Variants in NRG3 observed in about 807,000 individuals in gnomAD.
The protein encoded by NRG3 is neuregulin 3, also known as pro-neuregulin-3, membrane-bound isoform.
A neutral mutation model predicts 66.9 loss-of-function variants in NRG3; 31 were observed. That is an observed-to-expected ratio of 0.46 (90% CI 0.35 to 0.63). The LOEUF (loss-of-function observed/expected upper bound fraction) is 0.63. Among genes scored for constraint, NRG3 ranks in the 20% least tolerant of loss-of-function variants. The pLI is 0.00. For missense variants in NRG3, 910 were observed against 878.9 expected, an observed-to-expected ratio of 1.04 and a Z score of -0.45; for synonymous variants, 393 against 359.4, an observed-to-expected ratio of 1.09 and a Z score of -1.06.
At chr10:82,642,234 C>T (rs551141004) in intron 2 of NRG3, among the ~76,000 whole-genome samples, 1 of 151,232 alleles carries the variant, frequency 6.6e-6, no homozygotes, top group South Asian at 2.1e-4. Context: ...CATTTTATCT[C>T]CTCTATCAAC....
At chr10:82,609,863 T>C (rs1313045881) in intron 2 of NRG3, among the ~76,000 whole-genome samples, 2 of 152,200 alleles carry the variant, frequency 1.3e-5, no homozygotes, top group Admixed American at 1.3e-4. Context: ...CACAACAAAT[T>C]ACCACAAATT....
At chr10:82,809,177 A>G (rs1340261607) in intron 3 of NRG3, among the ~76,000 whole-genome samples, 1 of 152,120 alleles carries the variant, frequency 6.6e-6, no homozygotes, top group Admixed American at 6.5e-5. Flanking sequence ...ATATATATTT[A>G]GTACTCGCCA....
At chr10:82,637,329 A>G (rs1023341712) in intron 2 of NRG3, among the ~76,000 whole-genome samples, 1 of 152,334 alleles carries the variant, frequency 6.6e-6, no homozygotes, top group Non-Finnish European at 1.5e-5. Flanking sequence ...ACATAGAAAA[A>G]AGAATTTGTT....
intron 1 of NRG3, among the ~76,000 whole-genome samples, chr10:82,284,880 C>T (rs913213133): frequency 6.6e-6 from 1 of 152,080 alleles, no homozygotes; most frequent in Non-Finnish European, 1.5e-5. Context: ...CATTCCAATA[C>T]TGTATGCATT....
At chr10:82,794,648 TGCA>T (rs2060721694) in intron 3 of NRG3, among the ~76,000 whole-genome samples, 1 of 152,204 alleles carries the variant, frequency 6.6e-6, no homozygotes, top group African/African-American at 2.4e-5. Context: ...TGGGCTTGGC[TGCA>T]GCTCAAACAG....
At chr10:82,821,632 C>T (rs2061959909) in intron 3 of NRG3, among the ~76,000 whole-genome samples, 1 of 152,146 alleles carries the variant, frequency 6.6e-6, no homozygotes, top group African/African-American at 2.4e-5. Flanking sequence ...CTTTAGAAAG[C>T]CAGCCCTGCA....
At chr10:82,387,123 A>G (rs2086053932) in intron 2 of NRG3, among the ~76,000 whole-genome samples, 1 of 152,138 alleles carries the variant, frequency 6.6e-6, no homozygotes, top group Non-Finnish European at 1.5e-5. Flanking sequence ...CCAATACACC[A>G]TGTCATATTT....
At position 82,170,664 on chromosome 10, in the gene NRG3, A is replaced by G. The variant is rs1479550663; in HGVS notation, c.824-188075A>G. On this transcript the variant is annotated intron_variant, in intron 1 of 8. Transcript: ENST00000372141. ...TTTATAAAACTTGTGGTATATATATATATATATATATATATATATATATAT... is the reference window on the plus strand; with the variant it reads ...TTTATAAAACTTGTGGTATATATATGTATATATATATATATATATATATAT... Among the ~76,000 whole-genome samples, 136 of 97,656 alleles carry G rather than the reference A, an allele frequency of 1.4e-3. 3 individuals are homozygous for G. The Middle Eastern group carries it at 0.019, about 13-fold the overall frequency. The allele number at this position is 97,656 out of a possible 152,430, so 64.1% of individuals were successfully genotyped here.
At chr10:82,174,002 C>A (rs2133137204) in intron 1 of NRG3, among the ~76,000 whole-genome samples, 1 of 152,200 alleles carries the variant, frequency 6.6e-6, no homozygotes, top group East Asian at 1.9e-4. Context: ...TTAATTCCTA[C>A]AATTCAGGTT....
chr10:82,897,712 G>A (rs1484300057), intron 4 of NRG3, among the ~76,000 whole-genome samples: 2 of 151,928 alleles, frequency 1.3e-5, no homozygotes, highest in South Asian at 2.1e-4. Context: ...TAGAGACAGG[G>A]TTTCACCATG....
intron 2 of NRG3, among the ~76,000 whole-genome samples, chr10:82,532,026 G>A (rs1199716829): frequency 1.3e-5 from 2 of 151,490 alleles, no homozygotes; most frequent in Non-Finnish European, 3.0e-5. Context: ...TATAACATTT[G>A]TTCATATTTA....
chr10:82,111,787 T>G (rs1336330458), intron 1 of NRG3, among the ~76,000 whole-genome samples: 1 of 152,218 alleles, frequency 6.6e-6, no homozygotes, highest in African/African-American at 2.4e-5. Context: ...TATCAAATTA[T>G]GAAGCTTGTC....
intron 2 of NRG3, among the ~76,000 whole-genome samples, chr10:82,476,754 G>A (rs1841820830): frequency 6.6e-6 from 1 of 152,080 alleles, no homozygotes; most frequent in Admixed American, 6.6e-5. Context: ...TTCAGTTTGG[G>A]ATGATGAAAA....
chr10:82,244,220 G>A (rs890908119), intron 1 of NRG3, among the ~76,000 whole-genome samples: 5 of 152,090 alleles, frequency 3.3e-5, no homozygotes, highest in Admixed American at 3.3e-4. Flanking sequence ...CAACTGGCAG[G>A]GAACCTAATT....
At chr10:81,897,633 T>C (rs184422802) in intron 1 of NRG3, among the ~76,000 whole-genome samples, 1 of 151,482 alleles carries the variant, frequency 6.6e-6, no homozygotes, top group East Asian at 2.0e-4. Context: ...GATAAAAGAG[T>C]GGTTTTAAGC....
intron 2 of NRG3, among the ~76,000 whole-genome samples, chr10:82,663,025 A>G (rs901708736): frequency 6.6e-6 from 1 of 152,234 alleles, no homozygotes; most frequent in East Asian, 1.9e-4. Flanking sequence ...GAAATCTCTT[A>G]GATGATTAGA....
rs577643975 is a variant in NRG3, at chr10:82,959,686, G to A, written c.1284+611G>A. On this transcript the variant is annotated intron_variant, in intron 6 of 8. Transcript: ENST00000372141. Reference sequence around the variant, plus strand: ...ATGGAATCCTAAAAATGCATGTTATGTTCAGAGAACTCCAAGTTAAGGGGT... The same window carrying A: ...ATGGAATCCTAAAAATGCATGTTATATTCAGAGAACTCCAAGTTAAGGGGT... Among the ~76,000 whole-genome samples the A allele has an allele frequency of 6.6e-5, 10 of 152,310 alleles. No homozygotes were observed. The South Asian group carries it at 2.1e-3, about 32-fold the overall frequency.
intron 1 of NRG3, among the ~76,000 whole-genome samples, chr10:82,210,524 C>A (rs1408661589): frequency 2.0e-5 from 3 of 152,122 alleles, no homozygotes; most frequent in Non-Finnish European, 4.4e-5. Context: ...AGATTTCAAA[C>A]TTTGGGGCTG....
At chr10:81,989,314 T>C (rs1444341815) in intron 1 of NRG3, among the ~76,000 whole-genome samples, 4 of 151,940 alleles carry the variant, frequency 2.6e-5, no homozygotes, top group African/African-American at 7.3e-5. Flanking sequence ...AGTCTATAGA[T>C]AGTTAGAGTT....
Sources: allele counts gnomAD v4.1 joint callset (sites outside exome capture counted in the v4.1 genomes callset), GRCh38; gene constraint gnomAD v4.1.1; transcripts MANE v1.5; gene names NCBI Gene and HGNC (gene_info 2026-07-23, HGNC 2026-07-21).